Variants in CADM2 observed in about 807,000 individuals in gnomAD.
CADM2 encodes the protein immunoglobulin superfamily member 4D.
CADM2 carries 12 observed loss-of-function variants against 49.8 expected under a neutral mutation model. That is an observed-to-expected ratio of 0.24 (90% CI 0.15 to 0.39). The LOEUF (loss-of-function observed/expected upper bound fraction) is 0.39. Ranked by LOEUF, CADM2 falls within the 10% of genes least tolerant of loss-of-function variation. The pLI, the probability that CADM2 is intolerant of heterozygous loss-of-function variation, is 1.00. For missense variants in CADM2, 378 were observed against 492.3 expected (o/e 0.77, Z 2.20); for synonymous variants, 214 against 175.4 (o/e 1.22, Z -1.74).
chr3:85,717,894 A>G (rs994558558), intron 1 of CADM2, among the ~76,000 whole-genome samples: 34 of 151,986 alleles, frequency 2.2e-4, no homozygotes, highest in African/African-American at 8.2e-4. Flanking sequence ...CAGCCTCCCA[A>G]GTATCTGGAA....
At chr3:85,147,275 CAAAAAAAAAAA>C (rs759888985) in intron 1 of CADM2, among the ~76,000 whole-genome samples, 66 of 46,006 alleles carry the variant, frequency 1.4e-3, no homozygotes, top group South Asian at 4.7e-3. Context: ...GACTCTGTCT[CAAAAAAAAAAA>C]AAAAAAAAAA....
intron 1 of CADM2, among the ~76,000 whole-genome samples, chr3:85,536,335 A>G (rs2061421526): frequency 6.6e-6 from 1 of 151,994 alleles, no homozygotes; most frequent in Non-Finnish European, 1.5e-5. Flanking sequence ...CAAAGAAAGT[A>G]TATTAAATCA....
At position 85,794,428 on chromosome 3, in the gene CADM2, G is replaced by A. The variant is rs539141634; in HGVS notation, c.89-7619G>A. 2.0e-5 allele frequency among the ~76,000 whole-genome samples: 3 copies of A among 152,240 alleles called. No homozygotes were observed. The South Asian group carries it at 6.2e-4, about 32-fold the overall frequency. ...TAGCTGATTAAAAGATAAGTAAGAT[G>A]TCTCAGTTACTATAACCTTAATTGG... On this transcript the variant is annotated intron_variant, in intron 2 of 9. Coordinates refer to ENST00000383699, the MANE Select transcript of CADM2 (RefSeq NM_001167675.2).
intron 1 of CADM2, among the ~76,000 whole-genome samples, chr3:85,600,978 G>A (rs1299342005): frequency 6.7e-6 from 1 of 150,344 alleles, no homozygotes; most frequent in East Asian, 2.0e-4. Context: ...GAACACAGGA[G>A]ATGTAAAGAT....
intron 1 of CADM2, among the ~76,000 whole-genome samples, chr3:85,321,218 G>A (rs1368580769): frequency 2.2e-5 from 3 of 137,460 alleles, no homozygotes; most frequent in Non-Finnish European, 3.1e-5. Context: ...TGTTGCCCAG[G>A]CTGGAATGCA....
At chr3:85,504,001 T>C (rs779116400) in intron 1 of CADM2, among the ~76,000 whole-genome samples, 1 of 152,202 alleles carries the variant, frequency 6.6e-6, no homozygotes, top group Non-Finnish European at 1.5e-5. Flanking sequence ...ATGACAAGAA[T>C]CAAACATAGA....
rs1345540034 is a variant in CADM2 at position 86,065,718 on chromosome 3, G to A, written c.1084G>A (p.Ala362Thr). 1 of 1,613,684 alleles carries A rather than the reference G, an allele frequency of 6.2e-7. No homozygotes were observed. The highest frequency in any genetic ancestry group is 8.5e-7 in the Non-Finnish European group (1 of 1,179,878). The change falls in exon 9 of 10, where the codon GCA becomes ACA. Residue 362 changes from alanine (A) to threonine (T), a missense_variant. Transcript: ENST00000383699. ...CSIFLLGRYL[A>T]RHKGTYLTNE... ...TATCTTTCTGCTTGGTCGATATCTG[G>A]CAAGGCATAAAGGTACGTTATATTT...
chr3:85,314,166 G>A (rs527662189), intron 1 of CADM2, among the ~76,000 whole-genome samples: 42 of 152,298 alleles, frequency 2.8e-4, no homozygotes, highest in African/African-American at 9.4e-4. Context: ...GGGGTTACAG[G>A]CGTGAGCCAC....
intron 8 of CADM2, among the ~76,000 whole-genome samples, chr3:86,010,244 A>G (rs562460649): frequency 6.6e-6 from 1 of 152,130 alleles, no homozygotes; most frequent in East Asian, 1.9e-4. Context: ...GAATAACAAA[A>G]ATAAAGTAGA....
At chr3:85,023,083 G>A (rs929822194) in intron 1 of CADM2, among the ~76,000 whole-genome samples, 6 of 152,060 alleles carry the variant, frequency 3.9e-5, no homozygotes, top group Admixed American at 3.3e-4. Context: ...AAAGTGAATA[G>A]TAAAGAAAGA....
At chr3:85,544,115 C>A (rs1160053453) in intron 1 of CADM2, among the ~76,000 whole-genome samples, 1 of 152,006 alleles carries the variant, frequency 6.6e-6, no homozygotes, top group South Asian at 2.1e-4. Context: ...AAACTAATGT[C>A]AAGTAAGACA....
chr3:85,777,538 G>A lies in CADM2; in HGVS notation c.89-24509G>A, dbSNP rs183296930. On this transcript the variant is annotated intron_variant, in intron 2 of 9. Transcript: ENST00000383699. ...CCAAAGTGCTGGGATTAAAGCATGAGCCACTGCACCTGGCCTGCTATATTT... is the reference window on the plus strand; with the variant it reads ...CCAAAGTGCTGGGATTAAAGCATGAACCACTGCACCTGGCCTGCTATATTT... Among the ~76,000 whole-genome samples the A allele has an allele frequency of 1.6e-3, 247 of 152,212 alleles. 3 individuals are homozygous for A. Among genetic ancestry groups the A allele is most frequent in the South Asian group, 0.012 (60 of 4,828 alleles).
intron 3 of CADM2, among the ~76,000 whole-genome samples, chr3:85,840,402 T>C (rs754886097): frequency 6.6e-6 from 1 of 151,944 alleles, no homozygotes; most frequent in Non-Finnish European, 1.5e-5. Flanking sequence ...CAATACTAAA[T>C]TGTGGTAACA....
chr3:85,325,414 T>G (rs1458745718), intron 1 of CADM2, among the ~76,000 whole-genome samples: 3 of 152,294 alleles, frequency 2.0e-5, no homozygotes, highest in African/African-American at 7.2e-5. Flanking sequence ...TAATTACTTT[T>G]CTAAAGTATG....
intron 1 of CADM2, among the ~76,000 whole-genome samples, chr3:85,691,783 T>A (rs1444102058): frequency 1.3e-5 from 2 of 152,180 alleles, no homozygotes. Flanking sequence ...CACCATGGAA[T>A]GTTATGCATC....
chr3:84,972,066 C>T (rs2031485798), intron 1 of CADM2, among the ~76,000 whole-genome samples: 1 of 152,150 alleles, frequency 6.6e-6, no homozygotes, highest in Admixed American at 6.5e-5. Context: ...AAGTGCCTTA[C>T]AGCAGTAAGA....
intron 1 of CADM2, among the ~76,000 whole-genome samples, chr3:85,365,199 CT>C (rs397962829): frequency 2.9e-4 from 30 of 104,704 alleles, no homozygotes; most frequent in Admixed American, 5.1e-4. Flanking sequence ...TTTTTTTTTA[CT>C]TTTTTTTTTT....
chr3:85,554,199 A>C (rs2107137474), intron 1 of CADM2, among the ~76,000 whole-genome samples: 1 of 152,242 alleles, frequency 6.6e-6, no homozygotes, highest in South Asian at 2.1e-4. Context: ...GGCATTAGTT[A>C]GATTCTCGTA....
At chr3:85,241,168 G>C (rs1000909424) in intron 1 of CADM2, among the ~76,000 whole-genome samples, 1 of 151,294 alleles carries the variant, frequency 6.6e-6, no homozygotes, top group African/African-American at 2.4e-5. Context: ...TGACAGAAAA[G>C]CAACAATAAA....
Sources: gnomAD v4.1 joint callset for allele counts (sites outside exome capture counted in the v4.1 genomes callset) on GRCh38, gnomAD v4.1.1 for gene constraint, MANE v1.5 for transcripts, NCBI Gene and HGNC (gene_info 2026-07-23, HGNC 2026-07-21) for gene names.